The following NKAIN2 variants were observed in gnomAD, a reference collection of about 807,000 sequenced individuals.
The protein encoded by NKAIN2 is sodium/potassium transporting ATPase interacting 2.
A neutral mutation model predicts 32.6 loss-of-function variants in NKAIN2; 14 were observed. That is an observed-to-expected ratio of 0.43 (90% CI 0.28 to 0.67). The LOEUF (loss-of-function observed/expected upper bound fraction) is 0.67. Among genes scored for constraint, NKAIN2 ranks in the 30% least tolerant of loss-of-function variants. NKAIN2 has a pLI of 0.17. For synonymous variants in NKAIN2, 80 were observed against 87.2 expected, an observed-to-expected ratio of 0.92 and a Z score of 0.46; for missense variants, 198 against 258.3, an observed-to-expected ratio of 0.77 and a Z score of 1.60.
chr6:124,518,661 G>A (rs1019269082), intron 3 of NKAIN2, among the ~76,000 whole-genome samples: 1 of 152,118 alleles, frequency 6.6e-6, no homozygotes, highest in African/African-American at 2.4e-5. Context: ...GTCCCCTCCA[G>A]CATTGGGGAT....
intron 1 of NKAIN2, among the ~76,000 whole-genome samples, chr6:124,228,447 G>T (rs138397697): frequency 2.8e-4 from 42 of 152,098 alleles, no homozygotes; most frequent in Non-Finnish European, 5.9e-4. Flanking sequence ...TGTTTGTAAG[G>T]CATCCAGGCT....
chr6:124,396,564 A>C (rs1773391856), intron 3 of NKAIN2, among the ~76,000 whole-genome samples: 1 of 152,196 alleles, frequency 6.6e-6, no homozygotes. Flanking sequence ...ACGATGAGTC[A>C]GAACTGTGAT....
chr6:124,100,603 G>C (rs11154205), intron 1 of NKAIN2, among the ~76,000 whole-genome samples: 20,705 of 152,152 alleles, frequency 0.14, 1,836 homozygotes, highest in Middle Eastern at 0.27. Flanking sequence ...TAATGTAAGA[G>C]GTTTTCTATC....
chr6:124,275,884 G>A (rs1384625639), intron 1 of NKAIN2, among the ~76,000 whole-genome samples: 1 of 152,030 alleles, frequency 6.6e-6, no homozygotes, highest in Admixed American at 6.5e-5. Context: ...ACTAATGTAT[G>A]TACATTATCA....
intron 3 of NKAIN2, among the ~76,000 whole-genome samples, chr6:124,512,179 G>T (rs1044625295): frequency 6.6e-6 from 1 of 152,138 alleles, no homozygotes; most frequent in African/African-American, 2.4e-5. Flanking sequence ...CTAATGGAAA[G>T]GATGTATATT....
intron 1 of NKAIN2, among the ~76,000 whole-genome samples, chr6:123,842,837 G>T (rs1221134011): frequency 2.0e-5 from 3 of 152,090 alleles, no homozygotes; most frequent in Admixed American, 2.0e-4. Context: ...CAAGCTCTAC[G>T]AGTGAGGCTC....
At chr6:124,633,362 A>G (rs570088382) in intron 3 of NKAIN2, among the ~76,000 whole-genome samples, 4 of 152,316 alleles carry the variant, frequency 2.6e-5, no homozygotes, top group African/African-American at 9.6e-5. Context: ...CAAAGTTAAC[A>G]ATAAGTTGCA....
At chr6:123,920,331 T>A (rs1043470623) in intron 1 of NKAIN2, among the ~76,000 whole-genome samples, 5 of 152,152 alleles carry the variant, frequency 3.3e-5, no homozygotes, top group Admixed American at 6.5e-5. Flanking sequence ...AGATTTTAAA[T>A]TGGGCTGATT....
At chr6:124,285,374 T>G (rs7771967) in intron 2 of NKAIN2, among the ~76,000 whole-genome samples, 19,941 of 152,028 alleles carry the variant, frequency 0.13, 1,424 homozygotes, top group East Asian at 0.26. Flanking sequence ...ATCTTTTTTT[T>G]GCTTGGAAAT....
At chr6:124,629,542 T>C (rs907613136) in intron 3 of NKAIN2, among the ~76,000 whole-genome samples, 1 of 152,196 alleles carries the variant, frequency 6.6e-6, no homozygotes, top group Non-Finnish European at 1.5e-5. Context: ...GGAGAAATAT[T>C]GTTGTCTCTT....
In NKAIN2 at chr6:124,463,765, A is replaced by G. The variant is rs928650955; in HGVS notation, c.273+108418A>G. Among the ~76,000 whole-genome samples the G allele has an allele frequency of 2.0e-5, 3 of 152,246 alleles. No individual in the cohort carries two copies. The South Asian group carries it at 6.2e-4, about 32-fold the overall frequency. ...GTACAGGGCTATTACTAAATGTATT[A>G]TTTAAAGATTGCTTTGTGTTTTTAT... On this transcript the variant is annotated intron_variant, in intron 3 of 6. Transcript: ENST00000368417.
chr6:124,650,265 A>G (rs146553729), intron 3 of NKAIN2, among the ~76,000 whole-genome samples: 33 of 152,322 alleles, frequency 2.2e-4, no homozygotes, highest in African/African-American at 7.9e-4. Context: ...GGCCCCCAAA[A>G]TACTCCTGTA....
In NKAIN2 at chr6:124,268,011, T is replaced by C. The variant is rs373670150; in HGVS notation, c.55-14994T>C. The stretch of plus-strand genomic sequence containing the variant: ...ATGCCTTTATGTAGTCTTTTTAATA[T>C]GCTTAAACTTCATTTTCATTTTTTA... On this transcript the variant is annotated intron_variant, in intron 1 of 6. Transcript: ENST00000368417. Among the ~76,000 whole-genome samples the C allele has an allele frequency of 3.7e-4, 56 of 152,354 alleles. 2 individuals are homozygous for C. In the East Asian group the frequency reaches 5.8e-3, roughly 16 times the overall value.
chr6:124,790,301 C>T (rs1005304664), intron 4 of NKAIN2, among the ~76,000 whole-genome samples: 1 of 152,098 alleles, frequency 6.6e-6, no homozygotes, highest in African/African-American at 2.4e-5. Flanking sequence ...TATCTGTCAT[C>T]TAATGAAAAA....
At chr6:124,692,951 A>G (rs1774330528) in intron 4 of NKAIN2, among the ~76,000 whole-genome samples, 1 of 152,246 alleles carries the variant, frequency 6.6e-6, no homozygotes, top group East Asian at 1.9e-4. Context: ...TTGTTGGAGC[A>G]TTTAGTATAA....
intron 3 of NKAIN2, among the ~76,000 whole-genome samples, chr6:124,459,308 G>A (rs1363158429): frequency 6.6e-6 from 1 of 151,796 alleles, no homozygotes; most frequent in Non-Finnish European, 1.5e-5. Context: ...GCTTACATAT[G>A]TCCTCAAAAA....
intron 4 of NKAIN2, among the ~76,000 whole-genome samples, chr6:124,786,403 A>G (rs1282695537): frequency 1.3e-5 from 2 of 152,160 alleles, no homozygotes. Context: ...GTAATAGATT[A>G]AACGCTAAGG....
In NKAIN2 at chr6:124,560,072, A is replaced by G. The variant is rs1780632518; in HGVS notation, c.274-98114A>G. Among the ~76,000 whole-genome samples the G allele has an allele frequency of 1.3e-5, 2 of 151,966 alleles. 1 individual carries two copies. On this transcript the variant is annotated intron_variant, in intron 3 of 6. Coordinates refer to ENST00000368417, the MANE Select transcript of NKAIN2 (RefSeq NM_001040214.3). ...GCATTATGTTTTTGAGGTTTGTATT[A>G]TTTATCGACAAGGAAATATATAGCA...
chr6:124,781,975 C>CCATT (rs1279278682), intron 4 of NKAIN2, among the ~76,000 whole-genome samples: 1 of 152,086 alleles, frequency 6.6e-6, no homozygotes, highest in Non-Finnish European at 1.5e-5. Context: ...ACCTTCACTC[C>CCATT]CATTCATCTT....
Sources: gnomAD v4.1 joint callset for allele counts (sites outside exome capture counted in the v4.1 genomes callset) on GRCh38, gnomAD v4.1.1 for gene constraint, MANE v1.5 for transcripts, NCBI Gene and HGNC (gene_info 2026-07-23, HGNC 2026-07-21) for gene names.